The following EYA4 variants were observed in gnomAD, a reference collection of about 807,000 sequenced individuals.
EYA4 encodes protein phosphatase EYA4.
In EYA4, 31 loss-of-function variants were observed where a neutral mutation model predicts 87.9. The observed-to-expected ratio is 0.35, with a 90% CI of 0.27 to 0.48. The LOEUF (loss-of-function observed/expected upper bound fraction) is 0.48, where lower values mean the gene tolerates loss of function less well. Ranked by LOEUF, EYA4 falls within the 20% of genes least tolerant of loss-of-function variation. The pLI is 0.99. For synonymous variants in EYA4, 263 were observed against 270.6 expected (o/e 0.97, Z 0.28); for missense variants, 678 against 761.4 (o/e 0.89, Z 1.29).
intron 11 of EYA4, among the ~76,000 whole-genome samples, chr6:133,473,602 A>G (rs1013474594): frequency 6.6e-6 from 1 of 152,058 alleles, no homozygotes; most frequent in Non-Finnish European, 1.5e-5. Flanking sequence ...ATAATTATCT[A>G]GTAGATAGAG....
rs1291409175 is a variant in EYA4 at position 133,521,050 on chromosome 6, A to G, written c.1617-2006A>G. Among the ~76,000 whole-genome samples, 25 of 151,778 alleles carry G rather than the reference A, an allele frequency of 1.6e-4. No individual in the cohort carries two copies. In the South Asian group the frequency reaches 4.2e-3, roughly 25 times the overall value. On this transcript the variant is annotated intron_variant, in intron 17 of 19. Transcript: ENST00000355286. ...AGGCATTACCATTCAGGACATAGGC[A>G]TGGGCAAGGACTTCATGTCTAAAAC... is the stretch of plus-strand genomic sequence containing the variant.
At chr6:133,332,308 C>G (rs1212663112) in intron 2 of EYA4, among the ~76,000 whole-genome samples, 1 of 152,132 alleles carries the variant, frequency 6.6e-6, no homozygotes, top group Non-Finnish European at 1.5e-5. Flanking sequence ...GTTTCATCAC[C>G]CTTAATTAAA....
chr6:133,462,481 T>C lies in EYA4; in HGVS notation c.580+4T>C. 1 of 1,613,258 alleles carries C rather than the reference T, an allele frequency of 6.2e-7. No homozygotes were observed. The highest frequency in any genetic ancestry group is 8.5e-7 in the Non-Finnish European group (1 of 1,179,934). ...CCCTACAGCTTGCCCACTTACGGTATTTCACATCTTCTGTTTTCTTCTTTG... is the reference window on the plus strand; with the variant it reads ...CCCTACAGCTTGCCCACTTACGGTACTTCACATCTTCTGTTTTCTTCTTTG... On this transcript the variant is annotated splice_donor_region_variant and intron_variant, in intron 8 of 19. Transcript: ENST00000355286.
intron 1 of EYA4, among the ~76,000 whole-genome samples, chr6:133,268,670 G>T (rs980128504): frequency 3.9e-5 from 6 of 152,226 alleles, no homozygotes; most frequent in Middle Eastern, 3.4e-3. Flanking sequence ...TTGGTTACTT[G>T]GGCCAGGGGA....
intron 2 of EYA4, chr6:133,360,256 A>G (rs1784357681): frequency 1.3e-5 from 2 of 152,222 alleles, no homozygotes; most frequent in Non-Finnish European, 2.9e-5. Context: ...ACTTAGTATC[A>G]AATAGGATAA....
chr6:133,453,401 A>T (rs1156579483), intron 5 of EYA4, among the ~76,000 whole-genome samples: 1 of 152,076 alleles, frequency 6.6e-6, no homozygotes, highest in African/African-American at 2.4e-5. Flanking sequence ...TATAATGTTT[A>T]CTTTATACTA....
intron 2 of EYA4, among the ~76,000 whole-genome samples, chr6:133,357,615 C>A (rs1329801390): frequency 6.6e-6 from 1 of 152,062 alleles, no homozygotes; most frequent in Non-Finnish European, 1.5e-5. Context: ...CAGGTCAGGT[C>A]AAAAAATCTA....
intron 13 of EYA4, among the ~76,000 whole-genome samples, chr6:133,489,382 T>C (rs1796948812): frequency 6.6e-6 from 1 of 151,822 alleles, no homozygotes. Context: ...GAGAAAGATA[T>C]CAATATCCAC....
intron 13 of EYA4, among the ~76,000 whole-genome samples, chr6:133,491,888 C>T (rs1562483181): frequency 7.1e-6 from 1 of 141,270 alleles, no homozygotes; most frequent in African/African-American, 2.6e-5. Flanking sequence ...GGTGGCAGAG[C>T]TTGCAGTGAG....
chr6:133,321,552 C>T (rs1015070726), intron 2 of EYA4, among the ~76,000 whole-genome samples: 79 of 152,092 alleles, frequency 5.2e-4, no homozygotes, highest in African/African-American at 1.6e-3. Context: ...AAGGAACTTT[C>T]CCCCTTACTA....
At chr6:133,456,008 T>C (rs1468094510) in intron 5 of EYA4, among the ~76,000 whole-genome samples, 1 of 152,200 alleles carries the variant, frequency 6.6e-6, no homozygotes, top group Admixed American at 6.5e-5. Flanking sequence ...AAAATTGTTA[T>C]GCCATTAAAG....
rs1032076394 is a variant in EYA4 at position 133,424,618 on chromosome 6, A to G, written c.84-22012A>G. ...TGGGAGGGCAGGCACAGCTGCACCC[A>G]GAAGCTCCCACCCTGCCAACTTGGA... On this transcript the variant is annotated intron_variant, in intron 3 of 19. Transcript: ENST00000355286. Among the ~76,000 whole-genome samples the G allele has an allele frequency of 4.0e-5, 6 of 151,892 alleles. 1 individual carries two copies. The highest frequency in any genetic ancestry group is 1.5e-4 in the African/African-American group (6 of 41,250).
intron 2 of EYA4, among the ~76,000 whole-genome samples, chr6:133,300,276 C>A (rs1325335842): frequency 6.6e-6 from 1 of 151,558 alleles, no homozygotes; most frequent in Non-Finnish European, 1.5e-5. Context: ...GAAAGAAAAT[C>A]CACAAGTGAG....
rs550097019 is a variant in EYA4, at chr6:133,506,537, C to T, written c.1281+342C>T. On this transcript the variant is annotated intron_variant, in intron 14 of 19. Transcript: ENST00000355286. The stretch of plus-strand genomic sequence containing the variant: ...GAACCTATCTAGGTTAATCACTAAA[C>T]GATATTCACAGACACTATTCATGGT... 7.2e-5 allele frequency among the ~76,000 whole-genome samples: 11 copies of T among 152,210 alleles called. No homozygotes were observed. The South Asian group carries it at 1.0e-3, about 14-fold the overall frequency.
chr6:133,520,726 C>A (rs1484139048), intron 17 of EYA4, among the ~76,000 whole-genome samples: 1 of 151,910 alleles, frequency 6.6e-6, no homozygotes, highest in Non-Finnish European at 1.5e-5. Flanking sequence ...CACTACCTGA[C>A]TTCAAACTAT....
intron 1 of EYA4, among the ~76,000 whole-genome samples, chr6:133,244,144 A>G (rs960648961): frequency 6.6e-6 from 1 of 152,236 alleles, no homozygotes; most frequent in Non-Finnish European, 1.5e-5. Context: ...CATAATAAGT[A>G]AAGGTCTACA....
chr6:133,418,813 T>G (rs572073470), intron 3 of EYA4, among the ~76,000 whole-genome samples: 2 of 151,984 alleles, frequency 1.3e-5, no homozygotes, highest in South Asian at 4.2e-4. Context: ...GAATACTGTA[T>G]ATTTCTTTTT....
At chr6:133,300,880 G>A (rs1582892211) in intron 2 of EYA4, among the ~76,000 whole-genome samples, 3 of 152,124 alleles carry the variant, frequency 2.0e-5, no homozygotes, top group East Asian at 1.9e-4. Context: ...TTTAATGAGC[G>A]CAATAGTTAG....
intron 2 of EYA4, among the ~76,000 whole-genome samples, chr6:133,379,794 TCTA>T (rs1786024616): frequency 6.6e-6 from 1 of 152,128 alleles, no homozygotes; most frequent in East Asian, 1.9e-4. Flanking sequence ...TCATGGAACT[TCTA>T]CTATCCGTTT....
Sources: allele counts gnomAD v4.1 joint callset (sites outside exome capture counted in the v4.1 genomes callset), GRCh38; gene constraint gnomAD v4.1.1; transcripts MANE v1.5; gene names NCBI Gene and HGNC (gene_info 2026-07-23, HGNC 2026-07-21).